The following ARMC8 variants were observed in gnomAD, a reference collection of about 807,000 sequenced individuals.
ARMC8 encodes armadillo repeat-containing protein 8.
In ARMC8, 20 loss-of-function variants were observed where a neutral mutation model predicts 99.3. The ratio of observed to expected loss-of-function variants is 0.20; its 90% CI spans 0.14 to 0.29. The LOEUF (loss-of-function observed/expected upper bound fraction) is 0.29, where lower values mean the gene tolerates loss of function less well. ARMC8 is among the 10% of genes least tolerant of loss of function. The pLI, the probability that ARMC8 is intolerant of heterozygous loss-of-function variation, is 1.00. For synonymous variants in ARMC8, 263 were observed against 278.3 expected, an observed-to-expected ratio of 0.95 and a Z score of 0.55; for missense variants, 569 against 809.5, an observed-to-expected ratio of 0.70 and a Z score of 3.60.
intron 2 of ARMC8, among the ~76,000 whole-genome samples, chr3:138,219,689 T>C (rs1430592091): frequency 6.6e-6 from 1 of 152,216 alleles, no homozygotes; most frequent in Admixed American, 6.5e-5. Flanking sequence ...TTTTTTTCCT[T>C]ATCTAGCACA....
At chr3:138,250,003 T>C (rs1022206562) in intron 12 of ARMC8, among the ~76,000 whole-genome samples, 2 of 152,182 alleles carry the variant, frequency 1.3e-5, no homozygotes, top group African/African-American at 4.8e-5. Flanking sequence ...TTTTCAAGAA[T>C]TGAAAACATG....
At chr3:138,195,859 A>G (rs748950887) in intron 1 of ARMC8, among the ~76,000 whole-genome samples, 40 of 138,100 alleles carry the variant, frequency 2.9e-4, no homozygotes, top group Non-Finnish European at 4.3e-4. Context: ...CATTTTGTTG[A>G]AAAAAAAAAA....
intron 1 of ARMC8, among the ~76,000 whole-genome samples, chr3:138,192,348 G>T (rs1306514646): frequency 6.9e-6 from 1 of 145,202 alleles, no homozygotes. Flanking sequence ...TGTGATCTCA[G>T]CTCACTGCAA....
chr3:138,222,009 G>A lies in ARMC8; in HGVS notation c.194+12G>A, dbSNP rs1337604282. 1.2e-6 allele frequency: 2 copies of A among 1,607,382 alleles called. No individual in the cohort carries two copies. The highest frequency in any genetic ancestry group is 8.5e-7 in the Non-Finnish European group (1 of 1,174,634). On this transcript the variant is annotated intron_variant, in intron 3 of 21. Transcript: ENST00000469044. ...GGAGCTGTTCCAAGGTATGTTTGCTGTCTCACCCCTTTCTTGCCATTCATA... is the reference window on the plus strand; with the variant it reads ...GGAGCTGTTCCAAGGTATGTTTGCTATCTCACCCCTTTCTTGCCATTCATA...
chr3:138,234,295 A>G (rs1237148722), intron 6 of ARMC8, among the ~76,000 whole-genome samples: 1 of 152,134 alleles, frequency 6.6e-6, no homozygotes, highest in African/African-American at 2.4e-5. Context: ...TATTTTTAGT[A>G]GAGACGGGAT....
At chr3:138,255,461 C>G (rs1230161599) in intron 12 of ARMC8, among the ~76,000 whole-genome samples, 6 of 152,050 alleles carry the variant, frequency 3.9e-5, no homozygotes, top group Non-Finnish European at 8.8e-5. Flanking sequence ...CTTGGCCTCC[C>G]AAAGTGCTGG....
chr3:138,234,727 G>T (rs1349555668), intron 6 of ARMC8, among the ~76,000 whole-genome samples: 1 of 152,180 alleles, frequency 6.6e-6, no homozygotes, highest in Non-Finnish European at 1.5e-5. Context: ...AATAATTGCA[G>T]AGGACTTGGG....
At chr3:138,222,682 A>G (rs760483789) in intron 3 of ARMC8, among the ~76,000 whole-genome samples, 2 of 152,192 alleles carry the variant, frequency 1.3e-5, no homozygotes, top group African/African-American at 2.4e-5. Context: ...TAACTCACCA[A>G]CCTCAAACAT....
intron 18 of ARMC8, among the ~76,000 whole-genome samples, chr3:138,279,544 A>G (rs1339823290): frequency 6.6e-6 from 1 of 152,152 alleles, no homozygotes; most frequent in East Asian, 1.9e-4. Context: ...TATTGGGATA[A>G]TGCTGGCCTT....
chr3:138,260,722 A>C (rs756977159), intron 12 of ARMC8, among the ~76,000 whole-genome samples: 18 of 152,198 alleles, frequency 1.2e-4, no homozygotes, highest in Non-Finnish European at 2.5e-4. Flanking sequence ...GTAGATTTAC[A>C]TCTTTGATTG....
intron 5 of ARMC8, among the ~76,000 whole-genome samples, chr3:138,225,744 T>A (rs936288820): frequency 6.6e-6 from 1 of 152,216 alleles, no homozygotes; most frequent in Non-Finnish European, 1.5e-5. Flanking sequence ...AATCATATTG[T>A]CAAATTGTAC....
chr3:138,222,804 A>G (rs2045473938), intron 3 of ARMC8, among the ~76,000 whole-genome samples: 1 of 152,170 alleles, frequency 6.6e-6, no homozygotes, highest in South Asian at 2.1e-4. Flanking sequence ...CATAAGGTAG[A>G]TGGTTATAAG....
At chr3:138,190,281 CTTTT>C (rs141579108) in intron 1 of ARMC8, among the ~76,000 whole-genome samples, 1 of 114,368 alleles carries the variant, frequency 8.7e-6, no homozygotes, top group East Asian at 2.4e-4. Flanking sequence ...ATTTTCTTAT[CTTTT>C]TTTTTTTTTT....
In ARMC8 at chr3:138,277,892, CATATAATGGG is replaced by C. The variant is rs141753609; in HGVS notation, c.1725+3353_1725+3362del. ...ATCCCTCAACAAACTATGGTGCATTCATATAATGGGATATCACAGTCACAATAAAGAGGGA... is the reference window on the plus strand; with the variant it reads ...ATCCCTCAACAAACTATGGTGCATTCATATCACAGTCACAATAAAGAGGGA... On this transcript the variant is annotated intron_variant, in intron 18 of 21. Coordinates refer to ENST00000469044, the MANE Select transcript of ARMC8 (RefSeq NM_001363941.2). Among the ~76,000 whole-genome samples the C allele has an allele frequency of 3.8e-3, 576 of 152,278 alleles. 4 individuals carry two copies. The highest frequency in any genetic ancestry group is 0.013 in the African/African-American group (557 of 41,558).
intron 12 of ARMC8, among the ~76,000 whole-genome samples, chr3:138,256,339 G>A (rs902998037): frequency 6.7e-6 from 1 of 149,122 alleles, no homozygotes; most frequent in Non-Finnish European, 1.5e-5. Context: ...AACCAAAGCT[G>A]AATCATTGAT....
Position 138,210,805 on chromosome 3 carries a change from C to T in ARMC8, c.122+912C>T, listed in dbSNP as rs75147611. 5.1e-3 allele frequency among the ~76,000 whole-genome samples: 773 copies of T among 152,022 alleles called. 22 individuals carry two copies. In the East Asian group the frequency reaches 0.065, roughly 13 times the overall value. On this transcript the variant is annotated intron_variant, in intron 2 of 21. Coordinates refer to ENST00000469044, the MANE Select transcript of ARMC8 (RefSeq NM_001363941.2). Reference sequence around the variant, plus strand: ...TTTCTTCGGACTGCAGTTCTTAAAGCCTCTCTCCCCAAAGGCATTGTAGGC... The same window carrying T: ...TTTCTTCGGACTGCAGTTCTTAAAGTCTCTCTCCCCAAAGGCATTGTAGGC...
At chr3:138,269,143 A>G (rs1409623678) in intron 15 of ARMC8, among the ~76,000 whole-genome samples, 2 of 152,148 alleles carry the variant, frequency 1.3e-5, no homozygotes, top group African/African-American at 2.4e-5. Context: ...AGAATATCTG[A>G]GCGTTCCTTG....
At chr3:138,283,122 A>G (rs935250777) in intron 18 of ARMC8, among the ~76,000 whole-genome samples, 18 of 152,190 alleles carry the variant, frequency 1.2e-4, no homozygotes, top group African/African-American at 4.3e-4. Flanking sequence ...TTTCATGTCT[A>G]CTGTGTCTCA....
chr3:138,232,959 A>G (rs1209746548), intron 6 of ARMC8, among the ~76,000 whole-genome samples: 1 of 152,240 alleles, frequency 6.6e-6, no homozygotes, highest in African/African-American at 2.4e-5. Flanking sequence ...TAAGGAACTT[A>G]AAAAGCCTTA....
Sources: gnomAD v4.1 joint callset for allele counts (sites outside exome capture counted in the v4.1 genomes callset) on GRCh38, gnomAD v4.1.1 for gene constraint, MANE v1.5 for transcripts, NCBI Gene and HGNC (gene_info 2026-07-23, HGNC 2026-07-21) for gene names.